HOMER1: variants seen among roughly 807,000 people sequenced by gnomAD.
HOMER1 encodes the protein homer protein homolog 1.
Under a neutral mutation model 48.9 loss-of-function variants are expected in HOMER1, and 3 were observed. That is an observed-to-expected ratio of 0.06 (90% CI 0.03 to 0.16). The LOEUF (loss-of-function observed/expected upper bound fraction) is 0.16, where lower values mean the gene tolerates loss of function less well. HOMER1 is among the 10% of genes least tolerant of loss of function. HOMER1 has a pLI of 1.00. For synonymous variants in HOMER1, 134 were observed against 146.4 expected (o/e 0.92, Z 0.61); for missense variants, 247 against 411.4 (o/e 0.60, Z 3.46).
intron 1 of HOMER1, chr5:79,510,883 G>C: frequency 1.5e-6 from 1 of 686,012 alleles, no homozygotes; most frequent in Admixed American, 2.1e-5. Context: ...GGCCCCTACA[G>C]AGGCTTCAGA....
Position 79,397,633 on chromosome 5 carries a change from G to C in HOMER1, c.689C>G (p.Thr230Ser). Residue 230 changes from threonine to serine, a missense_variant, in exon 7 of 9, where the codon ACT becomes AGT. Thr to Ser is a moderately conservative substitution (Grantham distance 58, BLOSUM62 1). Transcript: ENST00000334082. ...TTGGCTACTAACACATTCAAGTTCA[G>C]TCACCTAAAATTAAATGAGAACACA... ...EEAERLHKRV[T>S]ELECVSSQAN... 2 of 1,584,428 alleles carry C rather than the reference G, an allele frequency of 1.3e-6. No individual in the cohort carries two copies. The highest frequency in any genetic ancestry group is 1.7e-6 in the Non-Finnish European group (2 of 1,160,474).
intron 1 of HOMER1, among the ~76,000 whole-genome samples, chr5:79,504,201 T>C (rs542569167): frequency 6.6e-6 from 1 of 151,712 alleles, no homozygotes; most frequent in African/African-American, 2.4e-5. Flanking sequence ...AGTTTAAGAG[T>C]GACTTGGGAG....
intron 4 of HOMER1, among the ~76,000 whole-genome samples, chr5:79,444,348 T>A (rs570325341): frequency 6.6e-6 from 1 of 152,158 alleles, no homozygotes; most frequent in East Asian, 1.9e-4. Context: ...GGACTATAGG[T>A]GCATACCATG....
chr5:79,491,629 C>A (rs985535644), intron 1 of HOMER1, among the ~76,000 whole-genome samples: 1 of 152,006 alleles, frequency 6.6e-6, no homozygotes, highest in African/African-American at 2.4e-5. Flanking sequence ...GGTTTTCCTT[C>A]CGATCTCATT....
chr5:79,380,746 A>G (rs908561904), intron 8 of HOMER1, among the ~76,000 whole-genome samples: 62 of 152,040 alleles, frequency 4.1e-4, no homozygotes, highest in African/African-American at 1.3e-3. Flanking sequence ...GGGATTGCCC[A>G]GCCCAGTCCA....
chr5:79,420,077 A>G (rs1358613087), intron 5 of HOMER1, among the ~76,000 whole-genome samples: 1 of 152,228 alleles, frequency 6.6e-6, no homozygotes, highest in East Asian at 1.9e-4. Flanking sequence ...GTACAACTAA[A>G]TAGGCTATCA....
chr5:79,448,931 A>T (rs1004298269), intron 3 of HOMER1, among the ~76,000 whole-genome samples: 1 of 152,000 alleles, frequency 6.6e-6, no homozygotes, highest in African/African-American at 2.4e-5. Context: ...TACCACCAGT[A>T]AGGCTGGTCA....
intron 5 of HOMER1, among the ~76,000 whole-genome samples, chr5:79,433,785 T>C (rs1302603842): frequency 6.6e-6 from 1 of 152,196 alleles, no homozygotes; most frequent in Admixed American, 6.5e-5. Flanking sequence ...ACTTTGATGA[T>C]AAATACAGAT....
intron 5 of HOMER1, among the ~76,000 whole-genome samples, chr5:79,427,718 CTT>C (rs1561359717): frequency 9.7e-6 from 1 of 102,792 alleles, no homozygotes; most frequent in Non-Finnish European, 1.8e-5. Context: ...CTTTCCTTCC[CTT>C]CCTTCCTTCC....
At chr5:79,490,478 G>A (rs935075555) in intron 1 of HOMER1, among the ~76,000 whole-genome samples, 2 of 152,002 alleles carry the variant, frequency 1.3e-5, no homozygotes, top group Non-Finnish European at 2.9e-5. Context: ...TATTACTTAA[G>A]TGTATCTTAT....
intron 1 of HOMER1, among the ~76,000 whole-genome samples, chr5:79,497,662 GAA>G (rs1212983044): frequency 2.9e-3 from 214 of 73,092 alleles, no homozygotes; most frequent in African/African-American, 9.1e-3. Context: ...CTGTCTCAAA[GAA>G]AAAAAAAAAA....
intron 4 of HOMER1, among the ~76,000 whole-genome samples, chr5:79,445,309 C>G (rs945653486): frequency 2.6e-5 from 4 of 152,052 alleles, no homozygotes; most frequent in African/African-American, 9.7e-5. Flanking sequence ...CAGAGGAGAA[C>G]AGCCAAAAGC....
chr5:79,466,499 AAATAAT>A (rs143679793), intron 1 of HOMER1, among the ~76,000 whole-genome samples: 8 of 148,124 alleles, frequency 5.4e-5, no homozygotes, highest in Admixed American at 3.4e-4. Flanking sequence ...CCTGTCTCAA[AAATAAT>A]AATAATAATA....
rs144364169 is a variant in HOMER1, at chr5:79,456,844, A to G, written c.162+18T>C. The G allele has an allele frequency of 1.0e-5, 16 of 1,602,634 alleles. 1 individual carries two copies. In the East Asian group the frequency reaches 1.8e-4, roughly 18 times the overall value. On this transcript the variant is annotated intron_variant, in intron 2 of 8. Transcript: ENST00000334082. The stretch of plus-strand genomic sequence containing the variant: ...AAAAGCAAAACCAGCCAAATCATTC[A>G]AAGTAAACGTAGCTTACCTTTGAGC...
chr5:79,497,230 T>C (rs969083820), intron 1 of HOMER1, among the ~76,000 whole-genome samples: 1 of 152,112 alleles, frequency 6.6e-6, no homozygotes. Flanking sequence ...TTTAAAACCA[T>C]ACATTCAGAA....
chr5:79,417,145 C>T (rs974454602), intron 5 of HOMER1, among the ~76,000 whole-genome samples: 4 of 142,984 alleles, frequency 2.8e-5, no homozygotes, highest in African/African-American at 1.0e-4. Context: ...CGCACCCCTA[C>T]TTTTTTTTTT....
chr5:79,500,360 A>G (rs1752541613), intron 1 of HOMER1, among the ~76,000 whole-genome samples: 2 of 152,232 alleles, frequency 1.3e-5, no homozygotes, highest in Non-Finnish European at 2.9e-5. Flanking sequence ...TGGTTTGATA[A>G]TATTAGAAGA....
chr5:79,510,731 AC>A, intron 1 of HOMER1: 2 of 780,236 alleles, frequency 2.6e-6, no homozygotes, highest in African/African-American at 1.7e-5. Context: ...TACACTGTCC[AC>A]CCCAAGCTTG....
intron 5 of HOMER1, among the ~76,000 whole-genome samples, chr5:79,420,485 G>A (rs1339250356): frequency 1.3e-5 from 2 of 152,196 alleles, no homozygotes; most frequent in South Asian, 2.1e-4. Context: ...CCATACCACC[G>A]CCTGCCCTCT....
Sources: allele counts gnomAD v4.1 joint callset (sites outside exome capture counted in the v4.1 genomes callset), GRCh38; gene constraint gnomAD v4.1.1; transcripts MANE v1.5; gene names NCBI Gene and HGNC (gene_info 2026-07-23, HGNC 2026-07-21).